The following RORA variants were observed in gnomAD, a reference collection of about 807,000 sequenced individuals.
RORA encodes the protein nuclear receptor ROR-alpha.
A neutral mutation model predicts 69.5 loss-of-function variants in RORA; 7 were observed. That is an observed-to-expected ratio of 0.10 (90% CI 0.06 to 0.19). RORA has a LOEUF of 0.19. RORA is among the 10% of genes least tolerant of loss of function. The pLI, the probability that RORA is intolerant of heterozygous loss-of-function variation, is 1.00. For missense variants in RORA, 457 were observed against 663.0 expected (o/e 0.69, Z 3.41); for synonymous variants, 261 against 240.8 (o/e 1.08, Z -0.78).
At chr15:60,890,817 G>T (rs928483209) in intron 1 of RORA, among the ~76,000 whole-genome samples, 1 of 152,216 alleles carries the variant, frequency 6.6e-6, no homozygotes. Context: ...AACAATGCTT[G>T]CCGTGGTAAT....
chr15:60,776,062 G>A (rs1009219314), intron 1 of RORA, among the ~76,000 whole-genome samples: 4 of 152,180 alleles, frequency 2.6e-5, no homozygotes, highest in African/African-American at 7.2e-5. Context: ...TCGGTAATTC[G>A]ATGGGAACCT....
chr15:60,707,883 T>A (rs569225746), intron 1 of RORA, among the ~76,000 whole-genome samples: 9 of 152,346 alleles, frequency 5.9e-5, no homozygotes, highest in Middle Eastern at 3.4e-3. Context: ...TATTTAATAC[T>A]GGGGCACATA....
intron 1 of RORA, among the ~76,000 whole-genome samples, chr15:61,010,805 A>T (rs1895063051): frequency 1.3e-5 from 2 of 152,216 alleles, no homozygotes; most frequent in Admixed American, 6.5e-5. Flanking sequence ...GAACCTGGAG[A>T]TGAGGACTGT....
At chr15:60,858,603 A>G (rs572193134) in intron 1 of RORA, among the ~76,000 whole-genome samples, 2 of 152,078 alleles carry the variant, frequency 1.3e-5, no homozygotes, top group African/African-American at 4.8e-5. Flanking sequence ...AGGGGTGGGC[A>G]GCAGGAAGGA....
At chr15:60,758,857 G>A (rs1334248173) in intron 1 of RORA, among the ~76,000 whole-genome samples, 1 of 152,184 alleles carries the variant, frequency 6.6e-6, no homozygotes, top group Non-Finnish European at 1.5e-5. Context: ...ACACCCACCA[G>A]ATCATTTAAT....
In RORA at chr15:61,212,806, C is replaced by T. The variant is rs181457433; in HGVS notation, c.166+16247G>A. 9.6e-4 allele frequency among the ~76,000 whole-genome samples: 146 copies of T among 152,292 alleles called. 1 individual carries two copies. Among genetic ancestry groups the T allele is most frequent in the African/African-American group, 3.4e-3 (142 of 41,552 alleles). On this transcript the variant is annotated intron_variant, in intron 1 of 10. Transcript: ENST00000335670. ...TCCAAGCCCTTCAATTTCCCAACCA[C>T]ACCCACTTAGACCTTAGATTTATTT...
intron 1 of RORA, among the ~76,000 whole-genome samples, chr15:61,046,291 T>C (rs1897019281): frequency 1.3e-5 from 2 of 152,232 alleles, no homozygotes; most frequent in Admixed American, 1.3e-4. Flanking sequence ...AGGATGGCCC[T>C]TGTGCAAACT....
At chr15:61,203,497 G>C (rs535575188) in intron 1 of RORA, among the ~76,000 whole-genome samples, 1 of 152,112 alleles carries the variant, frequency 6.6e-6, no homozygotes, top group Non-Finnish European at 1.5e-5. Flanking sequence ...TAGAATGAGT[G>C]AACCATTCTG....
At chr15:60,618,333 T>C (rs1281472513) in intron 2 of RORA, among the ~76,000 whole-genome samples, 1 of 152,178 alleles carries the variant, frequency 6.6e-6, no homozygotes, top group African/African-American at 2.4e-5. Context: ...CTCTGACCCC[T>C]GCCTACCCAC....
At chr15:60,887,564 C>T (rs1255391364) in intron 1 of RORA, among the ~76,000 whole-genome samples, 1 of 152,150 alleles carries the variant, frequency 6.6e-6, no homozygotes, top group Non-Finnish European at 1.5e-5. Flanking sequence ...GAAAAAATGG[C>T]ATCTTTTCAT....
At chr15:60,671,367 A>T (rs2070469648) in intron 2 of RORA, among the ~76,000 whole-genome samples, 2 of 152,102 alleles carry the variant, frequency 1.3e-5, no homozygotes, top group African/African-American at 4.8e-5. Flanking sequence ...AGCAGAAGTA[A>T]CCACTTTGAA....
intron 1 of RORA, among the ~76,000 whole-genome samples, chr15:60,718,162 T>TA (rs953678016): frequency 1.3e-5 from 2 of 152,202 alleles, no homozygotes; most frequent in African/African-American, 4.8e-5. Context: ...GTTGGCATAA[T>TA]AAAATTAGTT....
At chr15:60,775,376 A>C (rs1422835610) in intron 1 of RORA, among the ~76,000 whole-genome samples, 1 of 152,166 alleles carries the variant, frequency 6.6e-6, no homozygotes, top group Admixed American at 6.5e-5. Flanking sequence ...CCTATATGTA[A>C]GCTGTTTTCA....
intron 2 of RORA, among the ~76,000 whole-genome samples, chr15:60,617,822 G>C (rs2069295416): frequency 1.3e-5 from 2 of 152,190 alleles, no homozygotes; most frequent in South Asian, 4.1e-4. Flanking sequence ...TCCAGTTCTT[G>C]ATAACAGTTG....
intron 1 of RORA, among the ~76,000 whole-genome samples, chr15:61,022,996 C>G (rs1363286207): frequency 6.6e-6 from 1 of 151,848 alleles, no homozygotes; most frequent in East Asian, 1.9e-4. Context: ...ACCAGCCTGG[C>G]CAACAAGGTG....
At chr15:61,101,620 G>A (rs867728412) in intron 1 of RORA, among the ~76,000 whole-genome samples, 10 of 151,830 alleles carry the variant, frequency 6.6e-5, no homozygotes, top group South Asian at 2.1e-4. Flanking sequence ...AGAAAATAAC[G>A]TCACACAAGG....
intron 1 of RORA, chr15:61,214,205 A>G (rs1313047086): frequency 1.3e-5 from 2 of 152,256 alleles, no homozygotes; most frequent in Admixed American, 1.3e-4. Context: ...GAAAAGACCA[A>G]TTAATAAAGA....
At chr15:61,109,374 A>T (rs1320538620) in intron 1 of RORA, among the ~76,000 whole-genome samples, 1 of 152,152 alleles carries the variant, frequency 6.6e-6, no homozygotes, top group African/African-American at 2.4e-5. Flanking sequence ...AAAATTTGAT[A>T]AATGAATGAA....
Position 61,086,014 on chromosome 15 carries a change from G to A in RORA, c.166+143039C>T, listed in dbSNP as rs138086890. Among the ~76,000 whole-genome samples the A allele has an allele frequency of 6.6e-5, 10 of 152,348 alleles. No homozygotes were observed. In the East Asian group the frequency reaches 1.9e-3, roughly 29 times the overall value. On this transcript the variant is annotated intron_variant, in intron 1 of 10. Coordinates refer to ENST00000335670, the MANE Select transcript of RORA (RefSeq NM_134261.3). ...TCAACTGCACAAGTCACCTGGAACA[G>A]TGCAATGTAAATTTGGTAGTCTCAC...
Sources: gnomAD v4.1 joint callset for allele counts (sites outside exome capture counted in the v4.1 genomes callset) on GRCh38, gnomAD v4.1.1 for gene constraint, MANE v1.5 for transcripts, NCBI Gene and HGNC (gene_info 2026-07-23, HGNC 2026-07-21) for gene names.